Variants in VSTM2L observed in about 807,000 individuals in gnomAD.
VSTM2L encodes V-set and transmembrane domain containing 2 like.
In VSTM2L, 9 loss-of-function variants were observed where a neutral mutation model predicts 19.9. That is an observed-to-expected ratio of 0.45 (90% confidence interval 0.27 to 0.79). VSTM2L has a LOEUF of 0.79. Ranked by LOEUF, VSTM2L falls within the 30% of genes least tolerant of loss-of-function variation. VSTM2L has a pLI of 0.15. For synonymous variants in VSTM2L, 127 were observed against 133.8 expected (o/e 0.95, Z 0.35); for missense variants, 286 against 295.5 (o/e 0.97, Z 0.24).
intron 3 of VSTM2L, among the ~76,000 whole-genome samples, chr20:37,937,517 A>C (rs2072947497): frequency 2.0e-5 from 3 of 152,200 alleles, no homozygotes; most frequent in Non-Finnish European, 4.4e-5. Context: ...AATTGAGGTT[A>C]ATTTTCCCCT....
chr20:37,910,429 G>T (rs547792258), intron 1 of VSTM2L, among the ~76,000 whole-genome samples: 7 of 152,210 alleles, frequency 4.6e-5, no homozygotes, highest in Non-Finnish European at 1.0e-4. Flanking sequence ...TAATGAGGCT[G>T]CTGCCATGTT....
At chr20:37,908,472 G>A (rs1179775291) in intron 1 of VSTM2L, among the ~76,000 whole-genome samples, 1 of 152,220 alleles carries the variant, frequency 6.6e-6, no homozygotes, top group African/African-American at 2.4e-5. Flanking sequence ...GAATTGCCCT[G>A]GAGGGTACTT....
At chr20:37,918,834 A>C (rs2072834550) in intron 1 of VSTM2L, among the ~76,000 whole-genome samples, 1 of 152,172 alleles carries the variant, frequency 6.6e-6, no homozygotes, top group East Asian at 1.9e-4. Flanking sequence ...CTCTCCAGGC[A>C]GACACGAGCC....
rs1416584974 is a variant in VSTM2L, at chr20:37,944,869, C to T, written c.*616C>T. On this transcript the variant is annotated 3_prime_UTR_variant, in exon 4 of 4. Coordinates refer to ENST00000373461, the MANE Select transcript of VSTM2L (RefSeq NM_080607.3). Reference sequence around the variant, plus strand: ...AGTCCTTCCTGTTCAGCTCCCTGTGCGACCCTCCAGGGATGCAGGGGATCC... The same window carrying T: ...AGTCCTTCCTGTTCAGCTCCCTGTGTGACCCTCCAGGGATGCAGGGGATCC... 7.1e-6 allele frequency: 7 copies of T among 985,990 alleles called. No homozygotes were observed. The highest frequency in any genetic ancestry group is 5.2e-4 in the Middle Eastern group (1 of 1,914). The allele number at this position is 985,990 out of a possible 1,614,324, so 61.1% of individuals were successfully genotyped here. A position where few individuals can be genotyped will look rare whatever the true frequency, so the allele number is the denominator to read the frequency against.
Position 37,931,700 on chromosome 20 carries a change from T to A in VSTM2L, c.187T>A (p.Ser63Thr). 6.2e-7 allele frequency: 1 copy of A among 1,613,670 alleles called. No individual in the cohort carries two copies. Among genetic ancestry groups the A allele is most frequent in the Non-Finnish European group, 8.5e-7 (1 of 1,180,002 alleles). Residue 63 changes from serine to threonine, a missense_variant, in exon 2 of 4, where the codon TCC becomes ACC. Ser to Thr is a moderately conservative substitution (Grantham distance 58). Coordinates refer to ENST00000373461, the MANE Select transcript of VSTM2L (RefSeq NM_080607.3). ...RTGEDVEMACSFRGSGSPSYS... is the reference protein window; with the variant it reads ...RTGEDVEMACTFRGSGSPSYS... ...GGGCGAGGACGTGGAGATGGCCTGCTCCTTCCGCGGCAGCGGCTCCCCCTC... is the reference window on the plus strand; with the variant it reads ...GGGCGAGGACGTGGAGATGGCCTGCACCTTCCGCGGCAGCGGCTCCCCCTC...
rs560300910 is a variant in VSTM2L at position 37,931,512 on chromosome 20, C to T, written c.122-123C>T. ...CTCCCACCAGCGGGCTTGCAGGTCA[C>T]CCCACCCCCTCCACCCATCCCCCGC... On this transcript the variant is annotated intron_variant, in intron 1 of 3. Transcript: ENST00000373461. 3.7e-6 allele frequency: 4 copies of T among 1,075,032 alleles called. No homozygotes were observed. In the African/African-American group the frequency reaches 4.7e-5, roughly 13 times the overall value. The allele number at this position is 1,075,032 out of a possible 1,614,324, so 66.6% of individuals were successfully genotyped here. A position where few individuals can be genotyped will look rare whatever the true frequency, so the allele number is the denominator to read the frequency against.
intron 3 of VSTM2L, among the ~76,000 whole-genome samples, chr20:37,933,960 G>C (rs577258803): frequency 2.1e-4 from 32 of 152,346 alleles, no homozygotes; most frequent in African/African-American, 7.2e-4. Flanking sequence ...CGCCATCTCA[G>C]GGTCACTTGG....
chr20:37,939,736 A>C (rs1264596116), intron 3 of VSTM2L, among the ~76,000 whole-genome samples: 1 of 152,166 alleles, frequency 6.6e-6, no homozygotes, highest in Non-Finnish European at 1.5e-5. Context: ...CAGCATTACC[A>C]GGATCTGGCT....
At chr20:37,905,574 C>T (rs1568832414) in intron 1 of VSTM2L, among the ~76,000 whole-genome samples, 1 of 152,188 alleles carries the variant, frequency 6.6e-6, no homozygotes, top group Admixed American at 6.5e-5. Context: ...GCTGGGGAAC[C>T]TGGCTTCTCT....
intron 3 of VSTM2L, among the ~76,000 whole-genome samples, chr20:37,934,786 G>A (rs984205141): frequency 9.2e-5 from 14 of 152,120 alleles, no homozygotes; most frequent in Non-Finnish European, 1.9e-4. Context: ...CAGGGAGGAG[G>A]CTTCTGCAGC....
intron 1 of VSTM2L, among the ~76,000 whole-genome samples, chr20:37,912,482 G>A (rs1179014016): frequency 6.6e-6 from 1 of 152,162 alleles, no homozygotes; most frequent in Non-Finnish European, 1.5e-5. Context: ...TGGATGGAGC[G>A]GTGTTTCTGT....
intron 3 of VSTM2L, 48 bp from the exon 4 acceptor site, chr20:37,943,933 C>A: frequency 6.8e-6 from 5 of 733,928 alleles, no homozygotes; most frequent in Non-Finnish European, 3.6e-6. Flanking sequence ...TCTTCTTCTC[C>A]CCCACTGTCA....
chr20:37,912,155 G>C (rs1320824486), intron 1 of VSTM2L, among the ~76,000 whole-genome samples: 1 of 152,230 alleles, frequency 6.6e-6, no homozygotes, highest in Non-Finnish European at 1.5e-5. Context: ...AGGACACACA[G>C]ATGCTGAACA....
At chr20:37,906,287 G>C (rs1276285049) in intron 1 of VSTM2L, among the ~76,000 whole-genome samples, 1 of 152,284 alleles carries the variant, frequency 6.6e-6, no homozygotes, top group East Asian at 1.9e-4. Flanking sequence ...CTTGGAAGAG[G>C]GCTTTTTCGA....
intron 1 of VSTM2L, among the ~76,000 whole-genome samples, chr20:37,913,407 G>A (rs1326978593): frequency 6.6e-6 from 1 of 152,176 alleles, no homozygotes; most frequent in African/African-American, 2.4e-5. Context: ...GGACAAGTCT[G>A]TGGCAGGGAC....
In VSTM2L at chr20:37,944,279, C is replaced by T. The variant is rs750651101; in HGVS notation, c.*26C>T. 81 of 1,464,312 alleles carry T rather than the reference C, an allele frequency of 5.5e-5. No homozygotes were observed. Among genetic ancestry groups the T allele is most frequent in the Non-Finnish European group, 7.2e-5 (79 of 1,100,814 alleles). 90.7% of individuals were successfully genotyped at this position (1,464,312 alleles called of 1,614,324 possible). Reference sequence around the variant, plus strand: ...ACTGATGCCCCTGCCCCCGCCCATCCGCCCCCACGCTGTACAGAGTGCATG... The same window carrying T: ...ACTGATGCCCCTGCCCCCGCCCATCTGCCCCCACGCTGTACAGAGTGCATG... On this transcript the variant is annotated 3_prime_UTR_variant, in exon 4 of 4. Transcript: ENST00000373461.
chr20:37,908,355 G>A (rs2072762184), intron 1 of VSTM2L, among the ~76,000 whole-genome samples: 1 of 152,228 alleles, frequency 6.6e-6, no homozygotes, highest in East Asian at 1.9e-4. Flanking sequence ...GGGGGCAGGA[G>A]ATGGAGCTTT....
intron 3 of VSTM2L, among the ~76,000 whole-genome samples, chr20:37,935,935 A>C (rs2072937299): frequency 2.1e-5 from 3 of 145,184 alleles, no homozygotes; most frequent in Admixed American, 7.1e-5. Context: ...CCCAGGCTGG[A>C]GTGCAGTGGC....
intron 1 of VSTM2L, among the ~76,000 whole-genome samples, chr20:37,914,501 CGT>C (rs921415321): frequency 1.2e-4 from 5 of 42,382 alleles, no homozygotes; most frequent in East Asian, 1.3e-3. Flanking sequence ...TGTGTGTATG[CGT>C]GTGTGTTGTG....
Sources: allele counts gnomAD v4.1 joint callset (sites outside exome capture counted in the v4.1 genomes callset), GRCh38; gene constraint gnomAD v4.1.1; transcripts MANE v1.5; gene names NCBI Gene and HGNC (gene_info 2026-07-23, HGNC 2026-07-21).